Variants in AGBL4 observed in about 807,000 individuals in gnomAD.
The protein encoded by AGBL4 is AGBL carboxypeptidase 4.
A neutral mutation model predicts 66.4 loss-of-function variants in AGBL4; 58 were observed. The ratio of observed to expected loss-of-function variants is 0.87; its 90% CI spans 0.71 to 1.09. AGBL4 has a LOEUF of 1.09. Ranked by LOEUF, AGBL4 falls within the 50% of genes least tolerant of loss-of-function variation. The probability of loss-of-function intolerance (pLI) is 0.00; values close to 1 mark genes in which losing one functional copy is unlikely to be tolerated. For missense variants in AGBL4, 579 were observed against 631.0 expected (o/e 0.92, Z 0.88); for synonymous variants, 234 against 222.9 (o/e 1.05, Z -0.44).
At chr1:48,923,149 T>C (rs994380769) in intron 5 of AGBL4, among the ~76,000 whole-genome samples, 5 of 151,966 alleles carry the variant, frequency 3.3e-5, no homozygotes, top group African/African-American at 1.2e-4. Context: ...ATTCCTGGGA[T>C]AGAAAAGGCT....
At chr1:49,646,066 T>C (rs150792612) in intron 3 of AGBL4, among the ~76,000 whole-genome samples, 1 of 151,842 alleles carries the variant, frequency 6.6e-6, no homozygotes, top group East Asian at 1.9e-4. Flanking sequence ...ATAACTAACA[T>C]CATATTTTTG....
intron 6 of AGBL4, among the ~76,000 whole-genome samples, chr1:48,849,395 G>A (rs1646984160): frequency 1.3e-5 from 2 of 152,200 alleles, no homozygotes; most frequent in Non-Finnish European, 2.9e-5. Context: ...TTTTGAAAAA[G>A]TATGCTGGTC....
chr1:49,817,252 T>G (rs1006748324), intron 2 of AGBL4, among the ~76,000 whole-genome samples: 1 of 152,126 alleles, frequency 6.6e-6, no homozygotes, highest in Non-Finnish European at 1.5e-5. Context: ...CTAAAAACCT[T>G]AAAAAGAAAG....
chr1:48,632,340 A>G (rs1448910996), intron 9 of AGBL4, among the ~76,000 whole-genome samples: 1 of 152,218 alleles, frequency 6.6e-6, no homozygotes, highest in African/African-American at 2.4e-5. Context: ...ACATCTCTGT[A>G]ACTCACTCTT....
intron 6 of AGBL4, among the ~76,000 whole-genome samples, chr1:48,768,884 G>A (rs1422006679): frequency 6.6e-6 from 1 of 152,126 alleles, no homozygotes; most frequent in Non-Finnish European, 1.5e-5. Context: ...GCATTCTCTG[G>A]CCGATGGTGT....
chr1:49,769,573 G>T (rs1454596279), intron 2 of AGBL4, among the ~76,000 whole-genome samples: 2 of 152,054 alleles, frequency 1.3e-5, no homozygotes, highest in East Asian at 3.9e-4. Context: ...TACACTACAG[G>T]GCTGCAGTAA....
chr1:49,531,455 G>A (rs1651132846), intron 3 of AGBL4, among the ~76,000 whole-genome samples: 1 of 152,006 alleles, frequency 6.6e-6, no homozygotes, highest in African/African-American at 2.4e-5. Flanking sequence ...AAATTCCAAA[G>A]TCCAGAGATG....
chr1:49,235,199 G>A (rs1020248756), intron 4 of AGBL4, among the ~76,000 whole-genome samples: 1 of 152,188 alleles, frequency 6.6e-6, no homozygotes, highest in African/African-American at 2.4e-5. Flanking sequence ...CTTCCAGGAT[G>A]TCAGTGATAA....
chr1:49,053,530 G>A (rs1002921514), intron 4 of AGBL4, among the ~76,000 whole-genome samples: 9 of 152,102 alleles, frequency 5.9e-5, no homozygotes, highest in African/African-American at 2.2e-4. Context: ...TAGTTAGTGG[G>A]ATCAATAGGA....
At chr1:49,071,851 G>A (rs1017148255) in intron 4 of AGBL4, among the ~76,000 whole-genome samples, 4 of 150,214 alleles carry the variant, frequency 2.7e-5, no homozygotes, top group African/African-American at 7.6e-5. Context: ...GGGTGTTAAA[G>A]TCTCCCACTA....
chr1:48,701,161 CTCAG>C (rs1224416238), intron 6 of AGBL4, among the ~76,000 whole-genome samples: 1 of 152,136 alleles, frequency 6.6e-6, no homozygotes, highest in Non-Finnish European at 1.5e-5. Flanking sequence ...GATGCTCCTC[CTCAG>C]TCCCTCCCCT....
rs1050747484 is a variant in AGBL4 at position 49,275,942 on chromosome 1, A to G, written c.283-30078T>C. Reference sequence around the variant, plus strand: ...TAAACTACTCCGGAAAGCTCACTTGAACATCTCAGTCAAACTATAACCCAG... The same window carrying G: ...TAAACTACTCCGGAAAGCTCACTTGGACATCTCAGTCAAACTATAACCCAG... On this transcript the variant is annotated intron_variant, in intron 3 of 13. Coordinates refer to ENST00000371839, the MANE Select transcript of AGBL4 (RefSeq NM_032785.4). Among the ~76,000 whole-genome samples, 5 of 152,262 alleles carry G rather than the reference A, an allele frequency of 3.3e-5. No homozygotes were observed. In the East Asian group the frequency reaches 9.7e-4, roughly 29 times the overall value.
chr1:49,293,092 A>C (rs1482599662), intron 3 of AGBL4, among the ~76,000 whole-genome samples: 1 of 152,210 alleles, frequency 6.6e-6, no homozygotes, highest in Non-Finnish European at 1.5e-5. Context: ...TGGAGTCTCC[A>C]AGCCTCCATC....
At chr1:49,363,352 G>A (rs973520979) in intron 3 of AGBL4, among the ~76,000 whole-genome samples, 2 of 152,142 alleles carry the variant, frequency 1.3e-5, no homozygotes, top group Non-Finnish European at 2.9e-5. Context: ...CTGGCCTAGA[G>A]AGCCCAGCTG....
chr1:49,145,536 G>T (rs1395113916), intron 4 of AGBL4, among the ~76,000 whole-genome samples: 1 of 152,020 alleles, frequency 6.6e-6, no homozygotes, highest in East Asian at 1.9e-4. Flanking sequence ...GGTAGTATTT[G>T]TGTCCCTATT....
chr1:49,628,189 C>A (rs542269770), intron 3 of AGBL4, among the ~76,000 whole-genome samples: 11 of 152,192 alleles, frequency 7.2e-5, no homozygotes, highest in African/African-American at 2.6e-4. Flanking sequence ...TCTCTGTGGC[C>A]TATGTAGTGA....
intron 9 of AGBL4, among the ~76,000 whole-genome samples, chr1:48,612,244 G>A (rs1467015655): frequency 2.6e-5 from 4 of 152,224 alleles, no homozygotes; most frequent in African/African-American, 7.2e-5. Flanking sequence ...GCTAGGTGCT[G>A]GTATCAAAGA....
intron 1 of AGBL4, among the ~76,000 whole-genome samples, chr1:49,853,473 A>C (rs943155598): frequency 6.6e-6 from 1 of 152,124 alleles, no homozygotes; most frequent in African/African-American, 2.4e-5. Context: ...AAAAGGGAAA[A>C]AACAGCAGAG....
intron 1 of AGBL4, among the ~76,000 whole-genome samples, chr1:49,924,525 G>A (rs907353537): frequency 3.3e-5 from 5 of 151,842 alleles, no homozygotes; most frequent in African/African-American, 1.2e-4. Context: ...TTATTTATTT[G>A]ATTGATTAGG....
Sources: allele counts gnomAD v4.1 joint callset (sites outside exome capture counted in the v4.1 genomes callset), GRCh38; gene constraint gnomAD v4.1.1; transcripts MANE v1.5; gene names NCBI Gene and HGNC (gene_info 2026-07-23, HGNC 2026-07-21).